The following XRCC4 variants were observed in gnomAD, a reference collection of about 807,000 sequenced individuals.
XRCC4 encodes DNA repair protein XRCC4.
XRCC4 carries 28 observed loss-of-function variants against 39.1 expected under a neutral mutation model. That is an observed-to-expected ratio of 0.72 (90% CI 0.53 to 0.98). XRCC4 has a LOEUF of 0.98. Among genes scored for constraint, XRCC4 ranks in the 50% least tolerant of loss-of-function variants. XRCC4 has a pLI of 0.00. For missense variants in XRCC4, 350 were observed against 376.4 expected (o/e 0.93, Z 0.58); for synonymous variants, 123 against 126.4 (o/e 0.97, Z 0.18).
At chr5:83,247,524 A>C (rs373390952) in intron 6 of XRCC4, among the ~76,000 whole-genome samples, 3 of 152,190 alleles carry the variant, frequency 2.0e-5, no homozygotes, top group African/African-American at 7.2e-5. Flanking sequence ...AAGGAAAACA[A>C]TGAAAAATTA....
chr5:83,231,454 GA>G (rs1314988246), intron 6 of XRCC4, among the ~76,000 whole-genome samples: 1 of 152,090 alleles, frequency 6.6e-6, no homozygotes. Context: ...ATCAAGTGGT[GA>G]ATGAATGCTT....
intron 7 of XRCC4, among the ~76,000 whole-genome samples, chr5:83,296,598 T>A (rs527986032): frequency 7.9e-5 from 12 of 152,194 alleles, no homozygotes; most frequent in Non-Finnish European, 1.3e-4. Context: ...TATTTTATTT[T>A]TTGTGGTACA....
At chr5:83,354,604 G>A (rs187915478), downstream of XRCC4, among the ~76,000 whole-genome samples, 2 of 152,184 alleles carry the variant, frequency 1.3e-5, no homozygotes, top group African/African-American at 2.4e-5. Flanking sequence ...AAATACAGAC[G>A]AGTATAGCTA....
intron 6 of XRCC4, among the ~76,000 whole-genome samples, chr5:83,244,718 A>G (rs2112856463): frequency 6.6e-6 from 1 of 152,222 alleles, no homozygotes; most frequent in Non-Finnish European, 1.5e-5. Context: ...CTCCACCTAC[A>G]TCCCTGTGCT....
intron 3 of XRCC4, among the ~76,000 whole-genome samples, chr5:83,145,606 A>G (rs1365218210): frequency 2.6e-5 from 4 of 152,220 alleles, no homozygotes; most frequent in Admixed American, 6.5e-5. Context: ...CAGTTTATCC[A>G]TAGGATTTAG....
At chr5:83,270,186 G>C (rs1422216146) in intron 7 of XRCC4, among the ~76,000 whole-genome samples, 1 of 152,138 alleles carries the variant, frequency 6.6e-6, no homozygotes, top group African/African-American at 2.4e-5. Context: ...GTGGAGCTCA[G>C]GTGGTAATGT....
chr5:83,270,720 A>G (rs765955263), intron 7 of XRCC4, among the ~76,000 whole-genome samples: 15 of 151,812 alleles, frequency 9.9e-5, no homozygotes, highest in Non-Finnish European at 1.8e-4. Flanking sequence ...TTGCCCCTGC[A>G]TCATCCTGAA....
At chr5:83,197,265 C>G (rs1750991127) in intron 4 of XRCC4, among the ~76,000 whole-genome samples, 1 of 152,030 alleles carries the variant, frequency 6.6e-6, no homozygotes, top group Non-Finnish European at 1.5e-5. Context: ...GATATCTGTA[C>G]TACAAAGCAT....
At chr5:83,167,143 A>G (rs1415539254) in intron 3 of XRCC4, among the ~76,000 whole-genome samples, 1 of 152,010 alleles carries the variant, frequency 6.6e-6, no homozygotes, top group African/African-American at 2.4e-5. Flanking sequence ...TGGCCTCCCA[A>G]AGTGCTCGGA....
At chr5:83,353,102 A>C in intron 7 of XRCC4, 29 bp from the exon 8 acceptor site, 1 of 1,539,542 alleles carries the variant, frequency 6.5e-7, no homozygotes, top group Non-Finnish European at 8.8e-7. Flanking sequence ...TTAAAAATAA[A>C]ACTATTTTGA....
chr5:83,366,008 T>C, the XRCC4 span, among the ~76,000 whole-genome samples: 4 of 152,330 alleles, frequency 2.6e-5, no homozygotes, highest in South Asian at 2.1e-4. Flanking sequence ...CTTCAGCTTA[T>C]GCCCCCTAGT....
chr5:83,196,714 TTA>T (rs1023874175), intron 4 of XRCC4, among the ~76,000 whole-genome samples: 3 of 151,098 alleles, frequency 2.0e-5, no homozygotes, highest in African/African-American at 7.3e-5. Flanking sequence ...GTCTGAAAAA[TTA>T]TGTGGAATAT....
At position 83,116,608 on chromosome 5, in the gene XRCC4, CTTTTTT is replaced by C. The variant is rs559079642; in HGVS notation, c.315+5431_315+5436del. Among the ~76,000 whole-genome samples, 82 of 103,192 alleles carry C rather than the reference CTTTTTT, an allele frequency of 7.9e-4. 2 individuals are homozygous for C. The highest frequency in any genetic ancestry group is 2.7e-3 in the African/African-American group (79 of 29,476). 67.7% of individuals were successfully genotyped at this position (103,192 alleles called of 152,430 possible). On this transcript the variant is annotated intron_variant, in intron 3 of 7. Transcript: ENST00000396027. ...GAAAGAATTACCAGTTTCTCTCTCT[CTTTTTT>C]TTTTTTTTTTTTTTTTTTTTTTTTT...
At chr5:83,281,406 C>G (rs1754532719) in intron 7 of XRCC4, among the ~76,000 whole-genome samples, 1 of 152,166 alleles carries the variant, frequency 6.6e-6, no homozygotes, top group Non-Finnish European at 1.5e-5. Context: ...GCTGCACTTT[C>G]CCTAACTCCC....
At chr5:83,135,391 CTTTT>C (rs35742750) in intron 3 of XRCC4, among the ~76,000 whole-genome samples, 5 of 145,694 alleles carry the variant, frequency 3.4e-5, no homozygotes, top group African/African-American at 5.1e-5. Flanking sequence ...GGCAGTATGC[CTTTT>C]TTTTTTTTCC....
At chr5:83,082,066 T>G (rs567928833) in intron 1 of XRCC4, among the ~76,000 whole-genome samples, 2 of 152,168 alleles carry the variant, frequency 1.3e-5, no homozygotes, top group East Asian at 1.9e-4. Context: ...AATTCAACAG[T>G]TTTCTACTAT....
intron 7 of XRCC4, among the ~76,000 whole-genome samples, chr5:83,271,967 T>C (rs945208913): frequency 3.9e-5 from 6 of 152,172 alleles, no homozygotes; most frequent in Non-Finnish European, 5.9e-5. Flanking sequence ...CAAATAGCCA[T>C]AAATCCTAAA....
chr5:83,158,655 A>G (rs1749068296), intron 3 of XRCC4, among the ~76,000 whole-genome samples: 1 of 151,992 alleles, frequency 6.6e-6, no homozygotes, highest in Admixed American at 6.6e-5. Context: ...TAAATACTAA[A>G]TTTTTTTCTC....
intron 1 of XRCC4, among the ~76,000 whole-genome samples, chr5:83,100,871 A>G (rs1215904999): frequency 1.3e-5 from 2 of 152,160 alleles, no homozygotes; most frequent in African/African-American, 4.8e-5. Context: ...TTTACTGCAC[A>G]TTAAATGTAT....
Sources: gnomAD v4.1 joint callset for allele counts (sites outside exome capture counted in the v4.1 genomes callset) on GRCh38, gnomAD v4.1.1 for gene constraint, MANE v1.5 for transcripts, NCBI Gene and HGNC (gene_info 2026-07-23, HGNC 2026-07-21) for gene names.